The following CHD9 variants were observed in gnomAD, a reference collection of about 807,000 sequenced individuals.
CHD9 encodes ATP-dependent chromatin remodeler CHD9.
A neutral mutation model predicts 316.1 loss-of-function variants in CHD9; 77 were observed. The observed-to-expected ratio is 0.24, with a 90% confidence interval of 0.20 to 0.29. The LOEUF (loss-of-function observed/expected upper bound fraction) is 0.29, where lower values mean the gene tolerates loss of function less well. CHD9 is among the 10% of genes least tolerant of loss of function. The pLI, the probability that CHD9 is intolerant of heterozygous loss-of-function variation, is 1.00. For missense variants in CHD9, 2,763 were observed against 3,438.1 expected (o/e 0.80, Z 4.91); for synonymous variants, 1,129 against 1,158.3 (o/e 0.97, Z 0.51).
chr16:53,071,872 T>C lies in CHD9; in HGVS notation c.-165+16795T>C, dbSNP rs185520070. Among the ~76,000 whole-genome samples the C allele has an allele frequency of 1.1e-4, 17 of 152,290 alleles. No individual in the cohort carries two copies. The East Asian group carries it at 3.3e-3, about 29-fold the overall frequency. ...GCATTTCCCCATACCCCAGAAAGCA[T>C]TTCAACGGCAGGCCTTTCCTCTTCT... On this transcript the variant is annotated intron_variant, in intron 1 of 38. Transcript: ENST00000447540.
At chr16:53,167,826 T>C (rs781457252) in intron 2 of CHD9, among the ~76,000 whole-genome samples, 2 of 152,026 alleles carry the variant, frequency 1.3e-5, no homozygotes, top group Non-Finnish European at 2.9e-5. Context: ...GCAAAACTCT[T>C]ACAAAAATGT....
rs1461498049 is a variant in CHD9, at chr16:53,156,669, A to AGAGAATTCT, written c.581_582insAGAATTCTG (p.Ser194delinsArgGluPheCys). ...TCTCAACCCAGGGCAGAATTCTCTTAGCCAGTCTAAAAATTTTATGAATGT... is the reference window on the plus strand; with the variant it reads ...TCTCAACCCAGGGCAGAATTCTCTTAGAGAATTCTGCCAGTCTAAAAATTTTATGAATGT... On this transcript the variant is annotated protein_altering_variant, in exon 2 of 39. Transcript: ENST00000447540. 3 of 1,613,978 alleles carry AGAGAATTCT rather than the reference A, an allele frequency of 1.9e-6. No homozygotes were observed. The highest frequency in any genetic ancestry group is 2.5e-6 in the Non-Finnish European group (3 of 1,179,852).
intron 1 of CHD9, among the ~76,000 whole-genome samples, chr16:53,110,882 C>G (rs1203061499): frequency 2.6e-5 from 4 of 152,158 alleles, no homozygotes; most frequent in Admixed American, 2.6e-4. Context: ...CTGACATAAA[C>G]AGGTAATCTG....
intron 2 of CHD9, among the ~76,000 whole-genome samples, chr16:53,178,523 C>G (rs754483401): frequency 1.1e-4 from 16 of 149,786 alleles, no homozygotes; most frequent in Non-Finnish European, 1.6e-4. Context: ...CCCTTGACCT[C>G]CTGGGTTCAA....
intron 1 of CHD9, among the ~76,000 whole-genome samples, chr16:53,149,794 A>G (rs2040946115): frequency 7.6e-6 from 1 of 132,446 alleles, no homozygotes; most frequent in Non-Finnish European, 1.7e-5. Flanking sequence ...TCCTGGCCTC[A>G]AGCAGTACTG....
intron 2 of CHD9, among the ~76,000 whole-genome samples, chr16:53,167,030 T>G (rs2042313645): frequency 6.6e-6 from 1 of 152,170 alleles, no homozygotes; most frequent in Non-Finnish European, 1.5e-5. Context: ...AGCATGTTCC[T>G]TTCATAGATC....
Position 53,237,211 on chromosome 16 carries a change from C to A in CHD9, c.2634-1132C>A, listed in dbSNP as rs181317068. Among the ~76,000 whole-genome samples the A allele has an allele frequency of 2.0e-5, 3 of 152,226 alleles. No individual in the cohort carries two copies. The East Asian group carries it at 5.8e-4, about 29-fold the overall frequency. On this transcript the variant is annotated intron_variant, in intron 11 of 38. Transcript: ENST00000447540. ...TGAAATCTGGCTTCACCCTACACCCCATACTTTGGTAACTAGGTCCATTTT... is the reference window on the plus strand; with the variant it reads ...TGAAATCTGGCTTCACCCTACACCCAATACTTTGGTAACTAGGTCCATTTT...
chr16:53,063,867 C>G (rs987132317), intron 1 of CHD9, among the ~76,000 whole-genome samples: 1 of 146,944 alleles, frequency 6.8e-6, no homozygotes, highest in African/African-American at 2.5e-5. Context: ...CAGGATCTCA[C>G]TCTGTTGCCT....
chr16:53,119,191 T>C (rs2038553343), intron 1 of CHD9, among the ~76,000 whole-genome samples: 1 of 152,184 alleles, frequency 6.6e-6, no homozygotes, highest in South Asian at 2.1e-4. Context: ...ATTATGGTAA[T>C]GGTATCACAT....
chr16:53,223,703 A>G (rs1195361944), intron 4 of CHD9, among the ~76,000 whole-genome samples: 1 of 152,162 alleles, frequency 6.6e-6, no homozygotes, highest in African/African-American at 2.4e-5. Flanking sequence ...CAACATGAAC[A>G]TTTCTTCCAT....
chr16:53,136,138 T>G (rs1002746190), intron 1 of CHD9, among the ~76,000 whole-genome samples: 1 of 152,198 alleles, frequency 6.6e-6, no homozygotes, highest in Non-Finnish European at 1.5e-5. Flanking sequence ...AGCTGTCAGA[T>G]ACTGATGTTT....
chr16:53,094,793 C>G (rs1438126997), intron 1 of CHD9, among the ~76,000 whole-genome samples: 1 of 152,020 alleles, frequency 6.6e-6, no homozygotes, highest in Non-Finnish European at 1.5e-5. Flanking sequence ...GCATGCACCA[C>G]CACACCCCAC....
chr16:53,137,250 G>A (rs1023070328), intron 1 of CHD9, among the ~76,000 whole-genome samples: 5 of 152,108 alleles, frequency 3.3e-5, no homozygotes, highest in Non-Finnish European at 5.9e-5. Context: ...GGGATTACAG[G>A]TGTGAGCCAC....
intron 1 of CHD9, among the ~76,000 whole-genome samples, chr16:53,146,909 T>G (rs2040678601): frequency 6.6e-6 from 1 of 152,158 alleles, no homozygotes; most frequent in Admixed American, 6.6e-5. Flanking sequence ...TGTTGCTATT[T>G]TTTTTTAAAG....
intron 1 of CHD9, among the ~76,000 whole-genome samples, chr16:53,104,073 G>A (rs2037117435): frequency 6.6e-6 from 1 of 152,202 alleles, no homozygotes; most frequent in Admixed American, 6.5e-5. Context: ...TCGTGGAGCT[G>A]CTCCTCTTCC....
chr16:53,291,848 C>A, intron 28 of CHD9, 81 bp downstream of exon 28: 1 of 846,470 alleles, frequency 1.2e-6, no homozygotes, highest in Non-Finnish European at 1.8e-6. Flanking sequence ...AACTATTACA[C>A]TTTTATAATG....
intron 2 of CHD9, among the ~76,000 whole-genome samples, chr16:53,199,035 G>A (rs1333183001): frequency 3.4e-5 from 5 of 146,002 alleles, no homozygotes; most frequent in Non-Finnish European, 7.5e-5. Flanking sequence ...TTTTTTCATT[G>A]AGAAGCATTA....
intron 2 of CHD9, among the ~76,000 whole-genome samples, chr16:53,176,270 C>T (rs193068990): frequency 1.8e-3 from 270 of 152,322 alleles, no homozygotes; most frequent in Admixed American, 2.9e-3. Context: ...CCAGCAATGG[C>T]TGGTCAAGTC....
chr16:53,308,439 T>G (rs2056180690), intron 33 of CHD9, among the ~76,000 whole-genome samples: 1 of 152,234 alleles, frequency 6.6e-6, no homozygotes, highest in African/African-American at 2.4e-5. Context: ...ACTAGTAACA[T>G]CTTGTTTTGG....
Sources: allele counts gnomAD v4.1 joint callset (sites outside exome capture counted in the v4.1 genomes callset), GRCh38; gene constraint gnomAD v4.1.1; transcripts MANE v1.5; gene names NCBI Gene and HGNC (gene_info 2026-07-23, HGNC 2026-07-21).